Variants in HMGA2 observed in about 807,000 individuals in gnomAD.
HMGA2 encodes the protein high mobility group AT-hook 2, also known as high mobility group protein HMGI-C.
In HMGA2, 8 loss-of-function variants were observed where a neutral mutation model predicts 19.1. The observed-to-expected ratio is 0.42, with a 90% CI of 0.25 to 0.76. HMGA2 has a LOEUF of 0.76. Ranked by LOEUF, HMGA2 falls within the 30% of genes least tolerant of loss-of-function variation. The pLI is 0.28. For missense variants in HMGA2, 109 were observed against 136.3 expected (o/e 0.80, Z 1.00); for synonymous variants, 60 against 48.8 (o/e 1.23, Z -0.96).
intron 3 of HMGA2, among the ~76,000 whole-genome samples, chr12:65,917,840 A>G (rs1875164886): frequency 6.6e-6 from 1 of 152,228 alleles, no homozygotes; most frequent in Non-Finnish European, 1.5e-5. Context: ...AGTAAAGACA[A>G]GAACTACTAT....
chr12:65,909,279 C>T (rs1293001055), intron 3 of HMGA2, among the ~76,000 whole-genome samples: 1 of 152,058 alleles, frequency 6.6e-6, no homozygotes, highest in Non-Finnish European at 1.5e-5. Flanking sequence ...GGAACTGCCC[C>T]ATTTAATATA....
intron 3 of HMGA2, among the ~76,000 whole-genome samples, chr12:65,944,778 C>CA (rs1185145556): frequency 1.3e-5 from 2 of 152,174 alleles, no homozygotes; most frequent in Non-Finnish European, 2.9e-5. Flanking sequence ...GTATGAGTCA[C>CA]ACGGGGTGAA....
intron 2 of HMGA2, among the ~76,000 whole-genome samples, chr12:65,834,661 G>A (rs1361360013): frequency 1.4e-5 from 2 of 145,002 alleles, no homozygotes; most frequent in South Asian, 2.4e-4. Context: ...CCTTCAACAA[G>A]TATATAGTGA....
intron 1 of HMGA2, 33 bp from the exon 2 acceptor site, chr12:65,827,968 C>T (rs747799951): frequency 1.2e-5 from 18 of 1,456,196 alleles, no homozygotes; most frequent in Non-Finnish European, 1.7e-5. Context: ...GACATTCTTG[C>T]CACAACAGCA....
intron 3 of HMGA2, among the ~76,000 whole-genome samples, chr12:65,904,997 G>A (rs960893623): frequency 2.0e-5 from 3 of 151,612 alleles, no homozygotes; most frequent in African/African-American, 4.9e-5. Context: ...AGTCAAGATC[G>A]CGCCACTGCA....
chr12:65,935,792 A>C (rs954523593), intron 3 of HMGA2, among the ~76,000 whole-genome samples: 12 of 152,064 alleles, frequency 7.9e-5, no homozygotes, highest in South Asian at 4.1e-4. Context: ...TCATTAATTA[A>C]ATTTTATAAA....
intron 3 of HMGA2, among the ~76,000 whole-genome samples, chr12:65,871,207 T>C (rs1420819620): frequency 6.6e-6 from 1 of 152,202 alleles, no homozygotes; most frequent in African/African-American, 2.4e-5. Context: ...TAATAATATT[T>C]ATTATGTAAG....
In HMGA2 at chr12:65,842,103, T is replaced by C. The variant is rs1409367675; in HGVS notation, c.249+3534T>C. On this transcript the variant is annotated intron_variant, in intron 3 of 4. Coordinates refer to ENST00000403681, the MANE Select transcript of HMGA2 (RefSeq NM_003483.6). The stretch of plus-strand genomic sequence containing the variant: ...GTGTGTAGAAGAGGCTAGAGGTAAA[T>C]TGGGTCTCTTTTTTTCCTGGCTTTT... The C allele has an allele frequency of 3.9e-6, 5 of 1,289,224 alleles. No individual in the cohort carries two copies. In the Admixed American group the frequency reaches 6.9e-5, roughly 18 times the overall value. The allele number at this position is 1,289,224 out of a possible 1,614,324, so 79.9% of individuals were successfully genotyped here. A position where few individuals can be genotyped will look rare whatever the true frequency, so the allele number is the denominator to read the frequency against.
chr12:65,836,398 G>A (rs1206186607), intron 2 of HMGA2, among the ~76,000 whole-genome samples: 1 of 151,996 alleles, frequency 6.6e-6, no homozygotes, highest in Non-Finnish European at 1.5e-5. Flanking sequence ...CCCTTTAAGG[G>A]TTCCATCTAG....
At chr12:65,908,619 A>G (rs1874706587) in intron 3 of HMGA2, among the ~76,000 whole-genome samples, 1 of 152,152 alleles carries the variant, frequency 6.6e-6, no homozygotes, top group Admixed American at 6.5e-5. Flanking sequence ...ACAGTGTTAA[A>G]ATTATTTGTT....
At chr12:65,891,952 T>C (rs944804039) in intron 3 of HMGA2, among the ~76,000 whole-genome samples, 4 of 152,246 alleles carry the variant, frequency 2.6e-5, no homozygotes, top group Non-Finnish European at 5.9e-5. Flanking sequence ...GCCTGTTTGC[T>C]GCATCTCTCA....
intron 3 of HMGA2, among the ~76,000 whole-genome samples, chr12:65,883,012 G>A (rs993330587): frequency 1.3e-5 from 2 of 152,206 alleles, no homozygotes; most frequent in African/African-American, 4.8e-5. Context: ...GAGGAAGCAG[G>A]TAATGTGAGC....
intron 3 of HMGA2, among the ~76,000 whole-genome samples, chr12:65,888,945 C>T (rs1302596030): frequency 2.6e-5 from 4 of 152,006 alleles, no homozygotes; most frequent in Admixed American, 2.6e-4. Context: ...ATGCTCAGCC[C>T]GTCTAACTTC....
chr12:65,886,361 C>T (rs1873654254), intron 3 of HMGA2, among the ~76,000 whole-genome samples: 2 of 147,814 alleles, frequency 1.4e-5, no homozygotes, highest in Admixed American at 6.8e-5. Context: ...TTCTTTTTCT[C>T]TCTTTTTTTT....
At chr12:65,866,934 A>T (rs1005713125) in intron 3 of HMGA2, 3 of 457,002 alleles carry the variant, frequency 6.6e-6, no homozygotes, top group Non-Finnish European at 1.3e-5. Flanking sequence ...AGATAGGAAC[A>T]TGTGCCTTCC....
At chr12:65,912,960 TG>T (rs1294939410) in intron 3 of HMGA2, among the ~76,000 whole-genome samples, 8 of 152,220 alleles carry the variant, frequency 5.3e-5, no homozygotes, top group Non-Finnish European at 1.2e-4. Flanking sequence ...AGCACTTCTG[TG>T]CCCCTGCTCT....
chr12:65,842,420 C>T (rs1467366825), intron 3 of HMGA2, among the ~76,000 whole-genome samples: 2 of 152,212 alleles, frequency 1.3e-5, no homozygotes, highest in Non-Finnish European at 2.9e-5. Flanking sequence ...TAATTACTTA[C>T]AGCCACCAGT....
In HMGA2 at chr12:65,965,820, T is replaced by G. The variant is rs1223098163; in HGVS notation, c.*2528T>G. ...TACAATCAAAACACACTACTACCTC[T>G]TAAGTCCCAGTATACCTCATTTTTC... On this transcript the variant is annotated 3_prime_UTR_variant, in exon 5 of 5. Coordinates refer to ENST00000403681, the MANE Select transcript of HMGA2 (RefSeq NM_003483.6). 9.3e-6 allele frequency: 2 copies of G among 215,814 alleles called. No individual in the cohort carries two copies. The highest frequency in any genetic ancestry group is 6.9e-5 in the East Asian group (1 of 14,492). 13.4% of individuals were successfully genotyped at this position (215,814 alleles called of 1,614,324 possible).
chr12:65,963,346 G>A lies in HMGA2; in HGVS notation c.*54G>A, dbSNP rs1876808550. ...GCAGCAGTTGGATCTTTTGAAGGGA[G>A]AAGACACTGCAGTGACCACTTATTC... is the stretch of plus-strand genomic sequence containing the variant. On this transcript the variant is annotated 3_prime_UTR_variant, in exon 5 of 5. Coordinates refer to ENST00000403681, the MANE Select transcript of HMGA2 (RefSeq NM_003483.6). 1.4e-6 allele frequency: 2 copies of A among 1,418,844 alleles called. No individual in the cohort carries two copies. The highest frequency in any genetic ancestry group is 1.9e-6 in the Non-Finnish European group (2 of 1,034,000). 87.9% of individuals were successfully genotyped at this position (1,418,844 alleles called of 1,614,324 possible).
Sources: gnomAD v4.1 joint callset for allele counts (sites outside exome capture counted in the v4.1 genomes callset) on GRCh38, gnomAD v4.1.1 for gene constraint, MANE v1.5 for transcripts, NCBI Gene and HGNC (gene_info 2026-07-23, HGNC 2026-07-21) for gene names.